PDE8B: variants seen among roughly 807,000 people sequenced by gnomAD.
The protein encoded by PDE8B is phosphodiesterase 8B.
PDE8B carries 26 observed loss-of-function variants against 101.3 expected under a neutral mutation model. The ratio of observed to expected loss-of-function variants is 0.26; its 90% CI spans 0.19 to 0.36. PDE8B has a LOEUF of 0.36. Ranked by LOEUF, PDE8B falls within the 10% of genes least tolerant of loss-of-function variation. The pLI is 1.00. For synonymous variants in PDE8B, 424 were observed against 429.3 expected, an observed-to-expected ratio of 0.99 and a Z score of 0.15; for missense variants, 810 against 1,163.1, an observed-to-expected ratio of 0.70 and a Z score of 4.42.
chr5:77,182,007 A>G, the PDE8B span, among the ~76,000 whole-genome samples: 1 of 151,662 alleles, frequency 6.6e-6, no homozygotes. Flanking sequence ...AAGCAAAAAC[A>G]GAAGAATGAC....
At chr5:77,368,508 C>T (rs944254908) in intron 10 of PDE8B, among the ~76,000 whole-genome samples, 5 of 152,146 alleles carry the variant, frequency 3.3e-5, no homozygotes, top group South Asian at 2.1e-4. Context: ...GTTCCCTTCA[C>T]GATAGCTTAC....
chr5:77,396,640 C>T (rs567963986), intron 10 of PDE8B, among the ~76,000 whole-genome samples: 36 of 152,222 alleles, frequency 2.4e-4, no homozygotes, highest in African/African-American at 8.7e-4. Flanking sequence ...CCTTTCTATC[C>T]ATCTAGTTTT....
chr5:77,323,360 A>C (rs1775439487), intron 2 of PDE8B, among the ~76,000 whole-genome samples: 1 of 152,242 alleles, frequency 6.6e-6, no homozygotes, highest in Non-Finnish European at 1.5e-5. Context: ...GGGTGCTCCT[A>C]ACAAATGGCA....
At chr5:77,129,611 G>T in the PDE8B span, among the ~76,000 whole-genome samples, 1 of 152,234 alleles carries the variant, frequency 6.6e-6, no homozygotes, top group African/African-American at 2.4e-5. Flanking sequence ...ACCGGAGGGA[G>T]CAGTGTCCTC....
chr5:77,250,180 G>A (rs1757787519), intron 1 of PDE8B, among the ~76,000 whole-genome samples: 1 of 152,222 alleles, frequency 6.6e-6, no homozygotes, highest in African/African-American at 2.4e-5. Context: ...CTTGGGATGG[G>A]TATGTTGCAT....
At chr5:77,366,896 G>T (rs1438232269) in intron 10 of PDE8B, among the ~76,000 whole-genome samples, 1 of 152,096 alleles carries the variant, frequency 6.6e-6, no homozygotes, top group Non-Finnish European at 1.5e-5. Context: ...CATCAAGGGC[G>T]CTTTGGTCCA....
chr5:77,319,304 C>T (rs1037360407), intron 2 of PDE8B, among the ~76,000 whole-genome samples: 3 of 152,236 alleles, frequency 2.0e-5, no homozygotes, highest in Non-Finnish European at 2.9e-5. Flanking sequence ...AAATGTGCAG[C>T]ATCATCAGTA....
the PDE8B span, among the ~76,000 whole-genome samples, chr5:77,199,262 C>T: frequency 2.0e-5 from 3 of 152,106 alleles, no homozygotes; most frequent in African/African-American, 7.2e-5. Context: ...CTGAATCGTA[C>T]GAGTATGTAA....
chr5:77,408,530 A>G (rs916103219), intron 13 of PDE8B, among the ~76,000 whole-genome samples: 1 of 152,204 alleles, frequency 6.6e-6, no homozygotes, highest in African/African-American at 2.4e-5. Flanking sequence ...TGGGAGGTAT[A>G]TCGAAAGTCC....
At chr5:77,172,121 A>G in the PDE8B span, among the ~76,000 whole-genome samples, 1 of 152,304 alleles carries the variant, frequency 6.6e-6, no homozygotes, top group East Asian at 1.9e-4. Context: ...GATTGGATGG[A>G]TAGATGAATG....
intron 1 of PDE8B, among the ~76,000 whole-genome samples, chr5:77,264,647 G>C (rs969540040): frequency 6.6e-6 from 1 of 152,032 alleles, no homozygotes; most frequent in African/African-American, 2.4e-5. Flanking sequence ...GTGGTTGTTG[G>C]ATATAGTCAA....
the PDE8B span, chr5:77,113,364 T>G: frequency 6.6e-6 from 1 of 152,092 alleles, no homozygotes. Flanking sequence ...ACACCACACA[T>G]CTACAACCAT....
At chr5:77,165,975 CAAAAA>C in the PDE8B span, among the ~76,000 whole-genome samples, 3 of 97,150 alleles carry the variant, frequency 3.1e-5, no homozygotes, top group Non-Finnish European at 5.9e-5. Flanking sequence ...GAGACTGCCT[CAAAAA>C]AAAAAAAAAA....
the PDE8B span, among the ~76,000 whole-genome samples, chr5:77,178,206 T>C: frequency 6.8e-3 from 1,041 of 152,306 alleles, 9 homozygotes; most frequent in African/African-American, 0.022. Context: ...GAGGATTTGG[T>C]GCCTTTATCC....
the PDE8B span, among the ~76,000 whole-genome samples, chr5:77,171,009 A>G: frequency 6.6e-6 from 1 of 152,234 alleles, no homozygotes; most frequent in South Asian, 2.1e-4. Context: ...AAATACCTGA[A>G]CACAAATAAT....
chr5:77,210,690 G>C lies in PDE8B; in HGVS notation c.-236G>C. On this transcript the variant is annotated 5_prime_UTR_variant, in exon 1 of 22. Coordinates refer to ENST00000264917, the MANE Select transcript of PDE8B (RefSeq NM_003719.5). This position sits in a 1 kb window ranked among gnomAD's most constrained non-coding sequence, Gnocchi z 4.9. ...TGCGCGCGGGGCGCTGTGTATGCGCGCTCCCCCGCTCGGGGAGGAAGATGG... is the reference window on the plus strand; with the variant it reads ...TGCGCGCGGGGCGCTGTGTATGCGCCCTCCCCCGCTCGGGGAGGAAGATGG... 1.0e-6 allele frequency: 1 copy of C among 980,468 alleles called. No homozygotes were observed. Among genetic ancestry groups the C allele is most frequent in the Non-Finnish European group, 1.2e-6 (1 of 827,476 alleles). 60.7% of individuals were successfully genotyped at this position (980,468 alleles called of 1,614,324 possible).
At chr5:77,167,264 T>C in the PDE8B span, among the ~76,000 whole-genome samples, 1 of 152,178 alleles carries the variant, frequency 6.6e-6, no homozygotes, top group African/African-American at 2.4e-5. Context: ...TCCTCACCAT[T>C]CTTTGAAGTC....
At position 77,389,749 on chromosome 5, in the gene PDE8B, A is replaced by G. The variant is rs943171205; in HGVS notation, c.1168-10499A>G. Among the ~76,000 whole-genome samples, 6 of 152,174 alleles carry G rather than the reference A, an allele frequency of 3.9e-5. No homozygotes were observed. The East Asian group carries it at 9.7e-4, about 25-fold the overall frequency. ...TCACGGTTGGCTTCTCTCACTCATA[A>G]TGTTTTTGAGGTTCATCTTCACTGT... On this transcript the variant is annotated intron_variant, in intron 10 of 21. Transcript: ENST00000264917.
chr5:77,230,855 A>C (rs911127387), intron 1 of PDE8B, among the ~76,000 whole-genome samples: 3 of 152,222 alleles, frequency 2.0e-5, no homozygotes, highest in Non-Finnish European at 4.4e-5. Context: ...CCTGGAGGAA[A>C]AGCAAGAGAC....
Sources: gnomAD v4.1 joint callset for allele counts (sites outside exome capture counted in the v4.1 genomes callset) on GRCh38, gnomAD v4.1.1 for gene constraint, Gnocchi (gnomAD v3.1) non-coding constraint, MANE v1.5 for transcripts, NCBI Gene and HGNC (gene_info 2026-07-23, HGNC 2026-07-21) for gene names.